The following MAP3K9 variants were observed in gnomAD, a reference collection of about 807,000 sequenced individuals.
MAP3K9 encodes mixed lineage kinase 1 (tyr and ser/thr specificity).
In MAP3K9, 46 loss-of-function variants were observed where a neutral mutation model predicts 95.8. That is an observed-to-expected ratio of 0.48 (90% CI 0.38 to 0.61). The LOEUF (loss-of-function observed/expected upper bound fraction) is 0.61. Among genes scored for constraint, MAP3K9 ranks in the 20% least tolerant of loss-of-function variants. The probability of loss-of-function intolerance (pLI) is 0.00; values close to 1 mark genes in which losing one functional copy is unlikely to be tolerated. For synonymous variants in MAP3K9, 533 were observed against 593.8 expected (o/e 0.90, Z 1.49); for missense variants, 1,296 against 1,474.3 (o/e 0.88, Z 1.98).
At position 70,809,460 on chromosome 14, in the gene MAP3K9, T is replaced by G; in HGVS notation, c.-289A>C. 2.7e-5 allele frequency: 6 copies of G among 221,826 alleles called. No individual in the cohort carries two copies. The highest frequency in any genetic ancestry group is 8.9e-5 in the East Asian group (1 of 11,266). The allele number at this position is 221,826 out of a possible 1,614,324, so 13.7% of individuals were successfully genotyped here. A position where few individuals can be genotyped will look rare whatever the true frequency, so the allele number is the denominator to read the frequency against. ...CCTCGTCACCTCTGCCGCCGGTACC[T>G]GCTCGCGCAGCCGGTGCCCGCCGCT... On this transcript the variant is annotated 5_prime_UTR_variant, in exon 1 of 12. Transcript: ENST00000554752.
rs149509449 is a variant in MAP3K9, at chr14:70,775,349, A to G, written c.821-14167T>C. On this transcript the variant is annotated intron_variant, in intron 2 of 11. Coordinates refer to ENST00000554752, the MANE Select transcript of MAP3K9 (RefSeq NM_001284230.2). ...GGCAAGTAACTTTTCCACATCTAGG[A>G]AGCGAAAGAGTCAAGATTTGAATCT... Among the ~76,000 whole-genome samples the G allele has an allele frequency of 1.3e-3, 195 of 152,228 alleles. 3 individuals are homozygous for G. The highest frequency in any genetic ancestry group is 2.3e-3 in the Non-Finnish European group (157 of 68,012).
At chr14:70,785,151 G>A (rs1486426028) in intron 2 of MAP3K9, among the ~76,000 whole-genome samples, 1 of 152,212 alleles carries the variant, frequency 6.6e-6, no homozygotes, top group Non-Finnish European at 1.5e-5. Context: ...GCAGGGCATT[G>A]TTAAACCTCC....
At position 70,730,843 on chromosome 14, in the gene MAP3K9, G is replaced by C; in HGVS notation, c.2852C>G (p.Pro951Arg). The C allele has an allele frequency of 6.2e-7, 1 of 1,604,730 alleles. No individual in the cohort carries two copies. The highest frequency in any genetic ancestry group is 1.7e-5 in the Admixed American group (1 of 59,842). Reference protein sequence around the residue: ...PGAGMLKTPSPSRDPGEFPRL... With the variant: ...PGAGMLKTPSRSRDPGEFPRL... ...GGGGAATTCACCTGGGTCTCGGCTG[G>C]GACTGGGGGTTTTCAACATTCCTGG... The change falls in exon 12 of 12, where the codon CCC becomes CGC. Residue 951 changes from proline to arginine, a missense_variant. Physicochemically the swap from Pro to Arg is moderately radical, Grantham distance 103. Transcript: ENST00000554752.
At chr14:70,774,143 T>C (rs1455716645) in intron 2 of MAP3K9, among the ~76,000 whole-genome samples, 1 of 152,144 alleles carries the variant, frequency 6.6e-6, no homozygotes, top group Admixed American at 6.5e-5. Flanking sequence ...AAAAATAATA[T>C]AATAACCCAC....
chr14:70,749,930 T>G lies in MAP3K9; in HGVS notation c.1150+3A>C. 5.0e-6 allele frequency: 8 copies of G among 1,614,192 alleles called. No individual in the cohort carries two copies. Among genetic ancestry groups the G allele is most frequent in the African/African-American group, 2.7e-5 (2 of 75,052 alleles). ...AGTTTGGTTCAGGCCAGGGCTTACT[T>G]ACCTTCCATGAGTTTGGCAAAAGGT... is the stretch of plus-strand genomic sequence containing the variant. On this transcript the variant is annotated splice_donor_region_variant and intron_variant, in intron 4 of 11. Coordinates refer to ENST00000554752, the MANE Select transcript of MAP3K9 (RefSeq NM_001284230.2).
chr14:70,809,005 T>A lies in MAP3K9; in HGVS notation c.167A>T (p.Tyr56Phe), dbSNP rs758078648. Residue 56 changes from tyrosine to phenylalanine, a missense_variant, in exon 1 of 12, where the codon TAC becomes TTC. Physicochemically the swap from Tyr to Phe is conservative, Grantham distance 22. Transcript: ENST00000554752. ...GELGCDAPLP[Y>F]WTAVFEYEAA... ...CTCGTACTCGAACACGGCCGTCCAG[T>A]AGGGCAGCGGCGCGTCGCAGCCCAG... The A allele has an allele frequency of 1.2e-5, 18 of 1,533,670 alleles. No homozygotes were observed. The highest frequency in any genetic ancestry group is 1.5e-5 in the Non-Finnish European group (17 of 1,147,002).
chr14:70,752,493 G>A (rs4902846), intron 3 of MAP3K9, among the ~76,000 whole-genome samples: 38,269 of 151,958 alleles, frequency 0.25, 5,848 homozygotes, highest in East Asian at 0.32. Flanking sequence ...TACACTTCCT[G>A]ACAAACCTTT....
intron 5 of MAP3K9, among the ~76,000 whole-genome samples, chr14:70,744,098 A>G (rs2054113900): frequency 6.6e-6 from 1 of 152,182 alleles, no homozygotes; most frequent in African/African-American, 2.4e-5. Flanking sequence ...AAACTAACAC[A>G]AGAACAGAAA....
intron 3 of MAP3K9, among the ~76,000 whole-genome samples, chr14:70,750,296 C>T (rs11622989): frequency 0.51 from 77,487 of 152,006 alleles, 19,903 homozygotes; most frequent in South Asian, 0.61. Context: ...CAAGTTTTCT[C>T]CCATAATTCC....
chr14:70,795,859 A>C (rs971767345), intron 2 of MAP3K9, among the ~76,000 whole-genome samples: 1 of 151,286 alleles, frequency 6.6e-6, no homozygotes, highest in Admixed American at 6.6e-5. Context: ...CCCGGGTTCA[A>C]ATGATTCTGC....
chr14:70,783,276 A>AATTTACT (rs762505810), intron 2 of MAP3K9: 19,955 of 977,576 alleles, frequency 0.02, 287 homozygotes, highest in Non-Finnish European at 0.023. Flanking sequence ...GTGGGAAGGA[A>AATTTACT]GACGGCATCC....
intron 8 of MAP3K9, among the ~76,000 whole-genome samples, chr14:70,736,980 T>C (rs1482145413): frequency 6.6e-6 from 1 of 152,204 alleles, no homozygotes. Context: ...GGAATCTTAG[T>C]GTTTAAAGGA....
Position 70,800,718 on chromosome 14 carries a change from G to T in MAP3K9, c.769C>A (p.His257Asn), listed in dbSNP as rs2054918691. 3 of 1,614,124 alleles carry T rather than the reference G, an allele frequency of 1.9e-6. No homozygotes were observed. The highest frequency in any genetic ancestry group is 2.5e-6 in the Non-Finnish European group (3 of 1,180,018). Residue 257 changes from histidine (H) to asparagine (N), a missense_variant, in exon 2 of 12, where the codon CAT becomes AAT. His to Asn is a moderately conservative substitution (Grantham distance 68, BLOSUM62 1). Coordinates refer to ENST00000554752, the MANE Select transcript of MAP3K9 (RefSeq NM_001284230.2). ...ATGATGGGAACAATTGCCTCATCAT[G>T]TAAGTAGTTCATCCCTCTGGCAATC... The part of the protein sequence containing the change: ...VQIARGMNYL[H>N]DEAIVPIIHR...
intron 2 of MAP3K9, chr14:70,783,313 C>T (rs574206503): frequency 1.2e-5 from 12 of 982,800 alleles, no homozygotes; most frequent in South Asian, 4.7e-5. Context: ...TAGTCTGACT[C>T]TTATTTTTCT....
Position 70,729,035 on chromosome 14 carries a change from C to G in MAP3K9, c.*1345G>C, listed in dbSNP as rs1280455272. The stretch of plus-strand genomic sequence containing the variant: ...CTCAACATTCAAGTTAAGGAAACAA[C>G]TTCCAGGAAGGTCAGGGTTGGCCTC... On this transcript the variant is annotated 3_prime_UTR_variant, in exon 12 of 12. Transcript: ENST00000554752. 1 of 152,350 alleles carries G rather than the reference C, an allele frequency of 6.6e-6. No homozygotes were observed. Among genetic ancestry groups the G allele is most frequent in the East Asian group, 1.9e-4 (1 of 5,200 alleles). 9.4% of individuals were successfully genotyped at this position (152,350 alleles called of 1,614,324 possible). A position where few individuals can be genotyped will look rare whatever the true frequency, so the allele number is the denominator to read the frequency against.
intron 2 of MAP3K9, among the ~76,000 whole-genome samples, chr14:70,767,446 A>G (rs956279763): frequency 8.6e-5 from 13 of 150,592 alleles, no homozygotes; most frequent in African/African-American, 3.2e-4. Context: ...GACCAATGGG[A>G]TATCTGTGCA....
Position 70,740,169 on chromosome 14 carries a change from T to A in MAP3K9, c.1568-5A>T. 3 of 1,612,030 alleles carry A rather than the reference T, an allele frequency of 1.9e-6. No homozygotes were observed. ...CCGTGAACTTGTGCTGGAAATCTGC[T>A]TGGGGAAAGACAAACACGTGTATGC... On this transcript the variant is annotated splice_region_variant and splice_polypyrimidine_tract_variant and intron_variant, in intron 6 of 11. Transcript: ENST00000554752.
At chr14:70,788,124 T>A (rs2054767944) in intron 2 of MAP3K9, among the ~76,000 whole-genome samples, 1 of 152,234 alleles carries the variant, frequency 6.6e-6, no homozygotes, top group African/African-American at 2.4e-5. Context: ...TCTCTTTTTC[T>A]GGAGACAGAC....
At chr14:70,741,913 C>T (rs2054075177) in intron 6 of MAP3K9, among the ~76,000 whole-genome samples, 1 of 152,216 alleles carries the variant, frequency 6.6e-6, no homozygotes, top group African/African-American at 2.4e-5. Flanking sequence ...TGTCATTGCA[C>T]TCCAGCCTGG....
Sources: allele counts gnomAD v4.1 joint callset (sites outside exome capture counted in the v4.1 genomes callset), GRCh38; gene constraint gnomAD v4.1.1; transcripts MANE v1.5; gene names NCBI Gene and HGNC (gene_info 2026-07-23, HGNC 2026-07-21).